The following EVC variants were observed in gnomAD, a reference collection of about 807,000 sequenced individuals.
The protein encoded by EVC is evC complex member EVC.
Under a neutral mutation model 118.9 loss-of-function variants are expected in EVC, and 116 were observed. The ratio of observed to expected loss-of-function variants is 0.98; its 90% CI spans 0.84 to 1.14. The LOEUF is 1.14. Among genes scored for constraint, EVC ranks in the 50% most tolerant of loss-of-function variants. EVC has a pLI of 0.00. For synonymous variants in EVC, 619 were observed against 534.7 expected (o/e 1.16, Z -2.18); for missense variants, 1,401 against 1,246.4 (o/e 1.12, Z -1.87).
In EVC at chr4:5,757,962, G is replaced by A. The variant is rs529644091; in HGVS notation, c.1563+1600G>A. 2.0e-4 allele frequency: 128 copies of A among 631,250 alleles called. 1 individual carries two copies. In the South Asian group the frequency reaches 2.2e-3, roughly 11 times the overall value. The allele number at this position is 631,250 out of a possible 1,614,324, so 39.1% of individuals were successfully genotyped here. A position where few individuals can be genotyped will look rare whatever the true frequency, so the allele number is the denominator to read the frequency against. Reference sequence around the variant, plus strand: ...AAACGTCATGTCCATCTGGAACCTCGGAATGTGGCCACACTTGGAAATAAG... The same window carrying A: ...AAACGTCATGTCCATCTGGAACCTCAGAATGTGGCCACACTTGGAAATAAG... On this transcript the variant is annotated intron_variant, in intron 11 of 20. Transcript: ENST00000264956.
chr4:5,823,607 G>GC, the EVC span, among the ~76,000 whole-genome samples: 3 of 152,072 alleles, frequency 2.0e-5, no homozygotes, highest in Non-Finnish European at 2.9e-5. Flanking sequence ...GTAAATTCTT[G>GC]CTCTATTAGC....
In EVC at chr4:5,742,216, G is replaced by A. The variant is rs1056571402; in HGVS notation, c.801+402G>A. On this transcript the variant is annotated intron_variant, in intron 6 of 20. Coordinates refer to ENST00000264956, the MANE Select transcript of EVC (RefSeq NM_153717.3). This position sits in a 1 kb window ranked among gnomAD's most constrained non-coding sequence, Gnocchi z 5.2. ...AGCAAAGAGTCAGGGCTTGGAGTCA[G>A]ACTGGTTGAGGTTGGTATCCTGGCT... Among the ~76,000 whole-genome samples the A allele has an allele frequency of 6.6e-6, 1 of 152,170 alleles. No individual in the cohort carries two copies. The highest frequency in any genetic ancestry group is 2.4e-5 in the African/African-American group (1 of 41,450).
At chr4:5,766,675 C>G (rs1184637659) in intron 11 of EVC, among the ~76,000 whole-genome samples, 1 of 139,670 alleles carries the variant, frequency 7.2e-6, no homozygotes, top group Admixed American at 7.3e-5. Context: ...CGCTGATACC[C>G]TTTCTTCCAG....
At chr4:5,827,409 T>C in the EVC span, among the ~76,000 whole-genome samples, 2 of 152,194 alleles carry the variant, frequency 1.3e-5, no homozygotes, top group South Asian at 2.1e-4. Flanking sequence ...ACTTGGTGTC[T>C]TTGACCTGGT....
chr4:5,784,699 C>G (rs1195480968), intron 12 of EVC, among the ~76,000 whole-genome samples: 1 of 150,764 alleles, frequency 6.6e-6, no homozygotes, highest in East Asian at 2.0e-4. Context: ...CCTCCGCCTC[C>G]CAGGTTCAAG....
rs142738089 is a variant in EVC, at chr4:5,802,037, G to A, written c.2392G>A (p.Gly798Arg). 3.6e-5 allele frequency: 58 copies of A among 1,614,240 alleles called. No individual in the cohort carries two copies. Among genetic ancestry groups the A allele is most frequent in the African/African-American group, 3.1e-4 (23 of 75,068 alleles). ...RLVQAYYQQI[G>R]RIMEDHEERK... ...GGTGCAGGCGTATTACCAGCAAATCGGAAGGATCATGGAGGACCACGAGGA... is the reference window on the plus strand; with the variant it reads ...GGTGCAGGCGTATTACCAGCAAATCAGAAGGATCATGGAGGACCACGAGGA... Residue 798 changes from glycine (G) to arginine (R), a missense_variant, in exon 16 of 21, where the codon GGA becomes AGA. By Grantham distance (125) the Gly-to-Arg change is moderately radical. Coordinates refer to ENST00000264956, the MANE Select transcript of EVC (RefSeq NM_153717.3).
At chr4:5,818,611 G>T (rs909968071), downstream of EVC, among the ~76,000 whole-genome samples, 1 of 152,072 alleles carries the variant, frequency 6.6e-6, no homozygotes, top group Admixed American at 6.6e-5. Flanking sequence ...GGTTATCATG[G>T]GAGCGGGACC....
At chr4:5,827,730 C>T in the EVC span, among the ~76,000 whole-genome samples, 10 of 132,022 alleles carry the variant, frequency 7.6e-5, no homozygotes, top group East Asian at 2.0e-3. Flanking sequence ...CACATGTGCG[C>T]GTGCACACAC....
At chr4:5,774,569 T>G (rs1734447615) in intron 11 of EVC, among the ~76,000 whole-genome samples, 1 of 152,062 alleles carries the variant, frequency 6.6e-6, no homozygotes, top group Non-Finnish European at 1.5e-5. Context: ...GGTATCTTCC[T>G]TGCCCCAAGT....
rs1017248615 is a variant in EVC at position 5,798,041 on chromosome 4, C to T, written c.2098-545C>T. 1.3e-5 allele frequency among the ~76,000 whole-genome samples: 2 copies of T among 152,222 alleles called. No individual in the cohort carries two copies. Among genetic ancestry groups the T allele is most frequent in the Admixed American group, 6.5e-5 (1 of 15,288 alleles). ...CATGAATGAGGCACAAGCCCACAGTCTCTTAAGCTCTATCCAGGAGAGCTC... is the reference window on the plus strand; with the variant it reads ...CATGAATGAGGCACAAGCCCACAGTTTCTTAAGCTCTATCCAGGAGAGCTC... On this transcript the variant is annotated intron_variant, in intron 14 of 20. Transcript: ENST00000264956. This position sits in a 1 kb window ranked among gnomAD's most constrained non-coding sequence, Gnocchi z 4.1.
At chr4:5,783,435 G>T in intron 11 of EVC, 117 bp from the exon 12 acceptor site, 1 of 975,262 alleles carries the variant, frequency 1.0e-6, no homozygotes, top group Non-Finnish European at 1.7e-6. Flanking sequence ...GAGAGTTCCT[G>T]TCTGTGGATC....
intron 7 of EVC, among the ~76,000 whole-genome samples, chr4:5,745,772 T>C (rs866840069): frequency 6.6e-6 from 1 of 152,206 alleles, no homozygotes; most frequent in Admixed American, 6.5e-5. Flanking sequence ...TCATATATTA[T>C]GTATTAAACA....
At chr4:5,824,030 AAG>A in the EVC span, among the ~76,000 whole-genome samples, 1 of 152,246 alleles carries the variant, frequency 6.6e-6, no homozygotes. Context: ...CAGGAGGACT[AAG>A]AGTGAAACTG....
intron 2 of EVC, among the ~76,000 whole-genome samples, chr4:5,724,288 G>C (rs1480505631): frequency 1.3e-5 from 2 of 152,266 alleles, no homozygotes; most frequent in Admixed American, 6.5e-5. Flanking sequence ...GGATTCGAGA[G>C]AGATGTAGGA....
chr4:5,780,479 T>C (rs1735423505), intron 11 of EVC, among the ~76,000 whole-genome samples: 1 of 148,922 alleles, frequency 6.7e-6, no homozygotes. Context: ...ATAATAATTA[T>C]AATAGAATGC....
At chr4:5,790,034 A>T (rs192270122) in intron 12 of EVC, among the ~76,000 whole-genome samples, 1 of 152,138 alleles carries the variant, frequency 6.6e-6, no homozygotes, top group African/African-American at 2.4e-5. Context: ...TACAAAAATG[A>T]GTCGGGCATG....
chr4:5,816,133 G>T (rs1482659105), downstream of EVC, among the ~76,000 whole-genome samples: 2 of 152,122 alleles, frequency 1.3e-5, no homozygotes, highest in African/African-American at 4.8e-5. Flanking sequence ...GGAGGCCTGG[G>T]GATCTGTTTT....
intron 9 of EVC, among the ~76,000 whole-genome samples, 168 bp from the exon 10 acceptor site, chr4:5,753,617 A>C (rs1312629874): frequency 1.3e-5 from 2 of 152,178 alleles, no homozygotes; most frequent in Non-Finnish European, 2.9e-5. Context: ...AGGTCACACT[A>C]CTAGTGGGAC....
intron 5 of EVC, 115 bp downstream of exon 5, chr4:5,733,550 A>G: frequency 1.1e-6 from 1 of 928,258 alleles, no homozygotes; most frequent in Non-Finnish European, 1.7e-6. Flanking sequence ...GTGGAAACAG[A>G]GCCGCTGTGA....
Sources: gnomAD v4.1 joint callset for allele counts (sites outside exome capture counted in the v4.1 genomes callset) on GRCh38, gnomAD v4.1.1 for gene constraint, Gnocchi (gnomAD v3.1) non-coding constraint, MANE v1.5 for transcripts, NCBI Gene and HGNC (gene_info 2026-07-23, HGNC 2026-07-21) for gene names.